The following COL26A1 variants were observed in gnomAD, a reference collection of about 807,000 sequenced individuals.
COL26A1 encodes the protein collagen alpha-1(XXVI) chain.
A neutral mutation model predicts 59.3 loss-of-function variants in COL26A1; 41 were observed. That is an observed-to-expected ratio of 0.69 (90% CI 0.54 to 0.90). The LOEUF (loss-of-function observed/expected upper bound fraction) is 0.90, where lower values mean the gene tolerates loss of function less well. COL26A1 is among the 40% of genes least tolerant of loss of function. The pLI, the probability that COL26A1 is intolerant of heterozygous loss-of-function variation, is 0.00. For missense variants in COL26A1, 612 were observed against 602.3 expected (o/e 1.02, Z -0.17); for synonymous variants, 266 against 256.0 (o/e 1.04, Z -0.37).
chr7:101,384,986 C>T (rs1219008931), intron 1 of COL26A1, among the ~76,000 whole-genome samples: 3 of 152,072 alleles, frequency 2.0e-5, no homozygotes, highest in East Asian at 1.9e-4. Flanking sequence ...GCTTCCAGCA[C>T]GGGAGAACAA....
Position 101,493,017 on chromosome 7 carries a change from C to T in COL26A1, c.386-40065C>T, listed in dbSNP as rs116992630. ...CTGGGATTAGAAGTGTGAGCCACCACACCTGGCCCATTGTCAGATTTAGTC... is the reference window on the plus strand; with the variant it reads ...CTGGGATTAGAAGTGTGAGCCACCATACCTGGCCCATTGTCAGATTTAGTC... On this transcript the variant is annotated intron_variant, in intron 3 of 12. Coordinates refer to ENST00000313669, the MANE Select transcript of COL26A1 (RefSeq NM_001278563.3). 4.6e-4 allele frequency among the ~76,000 whole-genome samples: 70 copies of T among 152,280 alleles called. No homozygotes were observed. In the East Asian group the frequency reaches 0.012, roughly 27 times the overall value.
chr7:101,520,662 A>ACACACACACACACACACACACACACACAC (rs915256077), intron 3 of COL26A1, among the ~76,000 whole-genome samples: 10 of 143,238 alleles, frequency 7.0e-5, no homozygotes, highest in African/African-American at 2.6e-4. Flanking sequence ...ACACACACAC[A>ACACACACACACACACACACACACACACAC]CCCCCGTGTT....
At chr7:101,554,749 C>T (rs1795931335) in intron 11 of COL26A1, among the ~76,000 whole-genome samples, 2 of 151,804 alleles carry the variant, frequency 1.3e-5, no homozygotes, top group African/African-American at 4.8e-5. Context: ...GTCTCTAAAA[C>T]CTAAAAAAAC....
Position 101,539,990 on chromosome 7 carries a change from C to G in COL26A1, c.545C>G (p.Pro182Arg). The G allele has an allele frequency of 1.2e-6, 2 of 1,613,658 alleles. No individual in the cohort carries two copies. Among genetic ancestry groups the G allele is most frequent in the Non-Finnish European group, 1.7e-6 (2 of 1,179,834 alleles). ...CCGACCTGGAATGAGGACTTCCTCC[C>G]CGACGCCATCCCTCTTGCTCACCCT... The part of the protein sequence containing the change: ...TPPTWNEDFL[P>R]DAIPLAHPVP... Residue 182 changes from proline to arginine, a missense_variant, in exon 5 of 13, where the codon CCC (proline) becomes CGC (arginine). Transcript: ENST00000313669.
chr7:101,422,325 T>TG (rs1186658394), intron 2 of COL26A1, among the ~76,000 whole-genome samples: 1 of 94,222 alleles, frequency 1.1e-5, no homozygotes, highest in African/African-American at 4.6e-5. Context: ...AAAAAAAAAA[T>TG]GCTGGTTTTA....
chr7:101,545,459 C>G lies in COL26A1; in HGVS notation c.825C>G (p.Leu275=). 3 of 1,609,142 alleles carry G rather than the reference C, an allele frequency of 1.9e-6. No homozygotes were observed. The highest frequency in any genetic ancestry group is 2.5e-6 in the Non-Finnish European group (3 of 1,178,056). ...GPSPNSPQGA[L]YSLQPPTDKD... is the part of the protein sequence containing the mutation. ...CACCAAACAGCCCCCAGGGCGCCCT[C>G]TACTCCCTGCAGCCGCCTACAGACA... Residue 275 remains leucine, a synonymous_variant, in exon 7 of 13, where the codon CTC becomes CTG. Transcript: ENST00000313669.
intron 1 of COL26A1, among the ~76,000 whole-genome samples, chr7:101,364,840 GATTACAGGCGTGAGCCA>G (rs1484001615): frequency 2.0e-5 from 3 of 152,188 alleles, no homozygotes; most frequent in Non-Finnish European, 1.5e-5. Flanking sequence ...AAAATGCTGG[GATTACAGGCGTGAGCCA>G]CCACGCCAGG....
intron 5 of COL26A1, among the ~76,000 whole-genome samples, chr7:101,541,292 T>C (rs1386200620): frequency 6.6e-6 from 1 of 152,230 alleles, no homozygotes; most frequent in African/African-American, 2.4e-5. Flanking sequence ...CTGGCTGGAA[T>C]TGGAGGACAT....
intron 3 of COL26A1, among the ~76,000 whole-genome samples, chr7:101,485,040 C>T (rs993702590): frequency 3.9e-5 from 6 of 152,052 alleles, no homozygotes; most frequent in African/African-American, 9.6e-5. Flanking sequence ...TTAGTAGAGA[C>T]GGGGTTTCAC....
At chr7:101,513,518 T>C (rs1794968933) in intron 3 of COL26A1, among the ~76,000 whole-genome samples, 1 of 150,320 alleles carries the variant, frequency 6.7e-6, no homozygotes, top group Admixed American at 6.7e-5. Flanking sequence ...TATTTTTGTA[T>C]TTTTTTAGTA....
chr7:101,509,468 A>G (rs924226061), intron 3 of COL26A1, among the ~76,000 whole-genome samples: 1 of 152,070 alleles, frequency 6.6e-6, no homozygotes, highest in Admixed American at 6.5e-5. Flanking sequence ...AAAGAAAAGA[A>G]GAACAGAAAA....
intron 4 of COL26A1, among the ~76,000 whole-genome samples, chr7:101,533,668 A>G: frequency 6.6e-6 from 1 of 152,124 alleles, no homozygotes; most frequent in East Asian, 1.9e-4. Context: ...CTGGGCAGGG[A>G]GAGAGGCCAA....
chr7:101,471,936 A>AACC (rs1793916475), intron 3 of COL26A1, among the ~76,000 whole-genome samples: 1 of 148,764 alleles, frequency 6.7e-6, no homozygotes, highest in Non-Finnish European at 1.5e-5. Flanking sequence ...GTGACAGGCA[A>AACC]TTAGTATTGC....
At chr7:101,516,105 G>A (rs1795023101) in intron 3 of COL26A1, among the ~76,000 whole-genome samples, 1 of 152,164 alleles carries the variant, frequency 6.6e-6, no homozygotes, top group African/African-American at 2.4e-5. Flanking sequence ...TTAGCCCTGG[G>A]TTGGCCACCA....
chr7:101,437,049 G>A (rs141368546), intron 2 of COL26A1, among the ~76,000 whole-genome samples: 195 of 152,302 alleles, frequency 1.3e-3, no homozygotes, highest in Non-Finnish European at 1.7e-3. Context: ...TGAATGCTTC[G>A]TTCTTTCCAC....
chr7:101,550,974 C>A, intron 9 of COL26A1, 134 bp from the exon 10 acceptor site: 2 of 996,960 alleles, frequency 2.0e-6, no homozygotes, highest in Non-Finnish European at 3.1e-6. Context: ...CTTCCCGTGC[C>A]GGCCGGGCCA....
intron 11 of COL26A1, among the ~76,000 whole-genome samples, chr7:101,554,624 G>T (rs113943909): frequency 0.028 from 4,091 of 148,736 alleles, 173 homozygotes; most frequent in African/African-American, 0.096. Flanking sequence ...TGTGCTTATA[G>T]TCCCAGCTAC....
chr7:101,368,565 A>T (rs1791104123), intron 1 of COL26A1, among the ~76,000 whole-genome samples: 1 of 152,200 alleles, frequency 6.6e-6, no homozygotes, highest in Non-Finnish European at 1.5e-5. Context: ...TATGCAAATT[A>T]AGGGGCAGTT....
At chr7:101,475,531 T>G (rs2130475725) in intron 3 of COL26A1, among the ~76,000 whole-genome samples, 1 of 152,100 alleles carries the variant, frequency 6.6e-6, no homozygotes, top group East Asian at 1.9e-4. Flanking sequence ...CTACAGAAGG[T>G]TTTCAGAGGC....
Sources: allele counts gnomAD v4.1 joint callset (sites outside exome capture counted in the v4.1 genomes callset), GRCh38; gene constraint gnomAD v4.1.1; transcripts MANE v1.5; gene names NCBI Gene and HGNC (gene_info 2026-07-23, HGNC 2026-07-21).